Variants in EPS15 observed in about 807,000 individuals in gnomAD.
EPS15 encodes epidermal growth factor receptor substrate 15.
EPS15 carries 72 observed loss-of-function variants against 113.8 expected under a neutral mutation model. The ratio of observed to expected loss-of-function variants is 0.63; its 90% CI spans 0.52 to 0.77. EPS15 has a LOEUF of 0.77. Ranked by LOEUF, EPS15 falls within the 30% of genes least tolerant of loss-of-function variation. The probability of loss-of-function intolerance (pLI) is 0.00; values close to 1 mark genes in which losing one functional copy is unlikely to be tolerated. For synonymous variants in EPS15, 344 were observed against 363.4 expected, an observed-to-expected ratio of 0.95 and a Z score of 0.61; for missense variants, 1,048 against 1,045.8, an observed-to-expected ratio of 1.00 and a Z score of -0.03.
intron 1 of EPS15, among the ~76,000 whole-genome samples, chr1:51,492,838 C>T (rs1386966253): frequency 1.3e-5 from 2 of 152,212 alleles, no homozygotes; most frequent in Admixed American, 6.5e-5. Flanking sequence ...CAGGTTTTAA[C>T]GACCTGCCTA....
chr1:51,384,304 T>C (rs930855212), intron 21 of EPS15, among the ~76,000 whole-genome samples: 1 of 145,002 alleles, frequency 6.9e-6, no homozygotes, highest in Non-Finnish European at 1.5e-5. Context: ...CTTTCTTTTT[T>C]TTTTTTTTTT....
intron 21 of EPS15, among the ~76,000 whole-genome samples, chr1:51,367,096 T>G (rs1425896328): frequency 1.2e-4 from 19 of 152,316 alleles, no homozygotes; most frequent in Admixed American, 1.2e-3. Context: ...AAACCTGTAG[T>G]GGGAGTCACT....
intron 16 of EPS15, among the ~76,000 whole-genome samples, chr1:51,405,004 T>C (rs772993032): frequency 6.6e-6 from 1 of 152,202 alleles, no homozygotes; most frequent in Non-Finnish European, 1.5e-5. Context: ...CTTGTACCTA[T>C]ACTAATACTG....
chr1:51,485,790 G>T (rs868074148), intron 1 of EPS15, among the ~76,000 whole-genome samples: 17 of 152,060 alleles, frequency 1.1e-4, no homozygotes, highest in African/African-American at 4.1e-4. Context: ...ATGAATTTTA[G>T]AAGTTCCATC....
At chr1:51,365,276 T>C (rs1238351539) in intron 22 of EPS15, among the ~76,000 whole-genome samples, 1 of 152,220 alleles carries the variant, frequency 6.6e-6, no homozygotes, top group South Asian at 2.1e-4. Context: ...CGTAATTGCA[T>C]ATTGTGGGGG....
chr1:51,362,382 C>T (rs1053528666), intron 23 of EPS15, among the ~76,000 whole-genome samples: 1 of 152,170 alleles, frequency 6.6e-6, no homozygotes, highest in Non-Finnish European at 1.5e-5. Flanking sequence ...CTCTTTCCAA[C>T]AAACCAGTCT....
intron 12 of EPS15, 51 bp from the exon 13 acceptor site, chr1:51,421,909 TG>T: frequency 6.2e-7 from 1 of 1,608,010 alleles, no homozygotes; most frequent in Non-Finnish European, 8.5e-7. Flanking sequence ...CAGCTACAGC[TG>T]GTATGGTTAT....
At chr1:51,440,458 AC>A (rs1557471689) in intron 11 of EPS15, 26 bp from the exon 12 acceptor site, 4 of 1,181,892 alleles carry the variant, frequency 3.4e-6, no homozygotes, top group Non-Finnish European at 4.9e-6. Flanking sequence ...TCACAATTAT[AC>A]ATTACTATAA....
intron 1 of EPS15, among the ~76,000 whole-genome samples, chr1:51,501,261 A>T (rs1313513927): frequency 1.3e-5 from 2 of 151,110 alleles, no homozygotes; most frequent in African/African-American, 2.4e-5. Flanking sequence ...ACAAAAAATT[A>T]GCCAGGCATG....
At chr1:51,462,720 G>A (rs775835889) in intron 7 of EPS15, among the ~76,000 whole-genome samples, 5 of 152,058 alleles carry the variant, frequency 3.3e-5, no homozygotes, top group Admixed American at 2.0e-4. Context: ...AATTCATGGC[G>A]ATGGATATTG....
At chr1:51,403,872 A>G (rs139846153) in intron 16 of EPS15, among the ~76,000 whole-genome samples, 2 of 152,322 alleles carry the variant, frequency 1.3e-5, no homozygotes, top group Non-Finnish European at 2.9e-5. Flanking sequence ...CAATTACTAT[A>G]GCAGTCTTCC....
Position 51,363,921 on chromosome 1 carries a change from G to A in EPS15, c.2304C>T (p.Pro768=), listed in dbSNP as rs753630384. 20 of 1,613,698 alleles carry A rather than the reference G, an allele frequency of 1.2e-5. No individual in the cohort carries two copies. Among genetic ancestry groups the A allele is most frequent in the Non-Finnish European group, 1.7e-5 (20 of 1,179,866 alleles). ...TTCCGATCTTTGGTGGCAGTGCTGGGGGTTCATCTTCACTTTTGACCGATG... is the reference window on the plus strand; with the variant it reads ...TTCCGATCTTTGGTGGCAGTGCTGGAGGTTCATCTTCACTTTTGACCGATG... ...EETSVKSEDE[P]PALPPKIGTP... is the part of the protein sequence containing the mutation. Residue 768 remains proline, a synonymous_variant, in exon 23 of 25, where the codon CCC becomes CCT. Transcript: ENST00000371733.
At position 51,408,247 on chromosome 1, in the gene EPS15, A is replaced by G; in HGVS notation, c.1361T>C (p.Leu454Pro). 1 of 1,613,998 alleles carries G rather than the reference A, an allele frequency of 6.2e-7. No individual in the cohort carries two copies. The highest frequency in any genetic ancestry group is 1.1e-5 in the South Asian group (1 of 91,086). ...TGCTGTTTCTTGCTGTAGACGGCTC[A>G]GCTCTTCTCTAGCTTTTGCCAATTC... is the stretch of plus-strand genomic sequence containing the variant. ...EEELAKAREE[L>P]SRLQQETAEL... The change falls in exon 15 of 25, where the codon CTG becomes CCG. Residue 454 changes from leucine (L) to proline (P), a missense_variant. Transcript: ENST00000371733.
intron 8 of EPS15, among the ~76,000 whole-genome samples, chr1:51,450,243 G>C (rs35380971): frequency 0.26 from 39,404 of 151,700 alleles, 6,297 homozygotes; most frequent in Middle Eastern, 0.42. Flanking sequence ...GCCACACTGG[G>C]GGGGGCTGTA....
At chr1:51,363,591 T>C (rs1262187608) in intron 23 of EPS15, among the ~76,000 whole-genome samples, 2 of 152,144 alleles carry the variant, frequency 1.3e-5, no homozygotes, top group Admixed American at 6.6e-5. Flanking sequence ...ACACTTTCCC[T>C]TTTCCATTGA....
At position 51,365,966 on chromosome 1, in the gene EPS15, C is replaced by T. The variant is rs754318108; in HGVS notation, c.2183G>A (p.Ser728Asn). The part of the protein sequence containing the change: ...ESFGGGFADF[S>N]TLSKVNNEDP... ...ACTGTAGATTACCTTTGACAATGTG[C>T]TGAAGTCAGCAAATCCACCTCCAAA... is the stretch of plus-strand genomic sequence containing the variant. The change falls in exon 22 of 25, where the codon AGC becomes AAC. Residue 728 changes from serine to asparagine, a missense_variant. Transcript: ENST00000371733. 3.1e-6 allele frequency: 5 copies of T among 1,610,846 alleles called. No homozygotes were observed. Among genetic ancestry groups the T allele is most frequent in the Non-Finnish European group, 4.2e-6 (5 of 1,177,612 alleles).
At chr1:51,519,149 G>A (rs779526875) in intron 1 of EPS15, 50 bp downstream of exon 1, 4 of 1,346,860 alleles carry the variant, frequency 3.0e-6, no homozygotes, top group African/African-American at 3.0e-5. Flanking sequence ...AGGGCGGTGG[G>A]GGAGGGGGCA....
At chr1:51,372,594 A>G (rs758860131) in intron 21 of EPS15, 2 of 518,476 alleles carry the variant, frequency 3.9e-6, no homozygotes, top group Non-Finnish European at 7.8e-6. Context: ...AATGAACTCA[A>G]GAAAAGACAC....
intron 12 of EPS15, among the ~76,000 whole-genome samples, chr1:51,428,818 C>T (rs943947306): frequency 3.1e-5 from 4 of 128,454 alleles, no homozygotes; most frequent in African/African-American, 1.2e-4. Context: ...CAGAGCAAGA[C>T]TCCATCTCAA....
Sources: gnomAD v4.1 joint callset for allele counts (sites outside exome capture counted in the v4.1 genomes callset) on GRCh38, gnomAD v4.1.1 for gene constraint, MANE v1.5 for transcripts, NCBI Gene and HGNC (gene_info 2026-07-23, HGNC 2026-07-21) for gene names.